PDGFB: variants seen among roughly 807,000 people sequenced by gnomAD.
PDGFB encodes the protein platelet-derived growth factor subunit B.
A neutral mutation model predicts 29.0 loss-of-function variants in PDGFB; 6 were observed. The ratio of observed to expected loss-of-function variants is 0.21; its 90% CI spans 0.11 to 0.41. The LOEUF (loss-of-function observed/expected upper bound fraction) is 0.41. Among genes scored for constraint, PDGFB ranks in the 10% least tolerant of loss-of-function variants. The probability of loss-of-function intolerance (pLI) is 1.00; values close to 1 mark genes in which losing one functional copy is unlikely to be tolerated. For missense variants in PDGFB, 299 were observed against 341.8 expected, an observed-to-expected ratio of 0.87 and a Z score of 0.99; for synonymous variants, 144 against 140.8, an observed-to-expected ratio of 1.02 and a Z score of -0.16.
chr22:39,240,227 C>G (rs1320776980), intron 1 of PDGFB, among the ~76,000 whole-genome samples: 4 of 152,172 alleles, frequency 2.6e-5, no homozygotes, highest in Non-Finnish European at 5.9e-5. Context: ...AGGAACCAGT[C>G]CAGCCATTTA....
chr22:39,244,028 CAGGGTGGGGGGCTGGGG>C lies in PDGFB; in HGVS notation c.-82_-66del. The C allele has an allele frequency of 1.7e-6, 1 of 596,224 alleles. No individual in the cohort carries two copies. Among genetic ancestry groups the C allele is most frequent in the Non-Finnish European group, 2.6e-6 (1 of 378,570 alleles). 36.9% of individuals were successfully genotyped at this position (596,224 alleles called of 1,614,324 possible). On this transcript the variant is annotated 5_prime_UTR_variant, in exon 1 of 7. Coordinates refer to ENST00000331163, the MANE Select transcript of PDGFB (RefSeq NM_002608.4). The surrounding 1 kb of genome is among the most constrained non-coding windows in gnomAD (Gnocchi z 4.5). ...AGATCGAGCGCGCCGCCCCCGCGGC[CAGGGTGGGGGGCTGGGG>C]AGGGGGGTGGGCTCGGCTCGGGTCC...
At chr22:39,230,444 G>A (rs925875334) in intron 4 of PDGFB, among the ~76,000 whole-genome samples, 4 of 152,226 alleles carry the variant, frequency 2.6e-5, no homozygotes, top group African/African-American at 7.2e-5. Context: ...AAGCCCTCCC[G>A]ACCTGGGGCC....
At position 39,225,718 on chromosome 22, in the gene PDGFB, T is replaced by G; in HGVS notation, c.*5A>C. 6.2e-7 allele frequency: 1 copy of G among 1,613,142 alleles called. No homozygotes were observed. The highest frequency in any genetic ancestry group is 8.5e-7 in the Non-Finnish European group (1 of 1,179,466). On this transcript the variant is annotated 3_prime_UTR_variant, in exon 6 of 7. Coordinates refer to ENST00000331163, the MANE Select transcript of PDGFB (RefSeq NM_002608.4). ...ACCTGCCCACACACTCTCCTGCCGATGCCCCTAGGCTCCAAGGGTCTCCTT... is the reference window on the plus strand; with the variant it reads ...ACCTGCCCACACACTCTCCTGCCGAGGCCCCTAGGCTCCAAGGGTCTCCTT...
intron 5 of PDGFB, among the ~76,000 whole-genome samples, chr22:39,226,883 C>A (rs999728116): frequency 1.3e-5 from 2 of 152,200 alleles, no homozygotes; most frequent in Non-Finnish European, 2.9e-5. Flanking sequence ...CCCACCTGGG[C>A]TCAAATCTGG....
chr22:39,235,171 AGG>A (rs1387773135), intron 2 of PDGFB, among the ~76,000 whole-genome samples: 9 of 152,316 alleles, frequency 5.9e-5, no homozygotes, highest in Middle Eastern at 3.4e-3. Context: ...CCCAGAGGGA[AGG>A]GGACCTGGGG....
chr22:39,228,485 A>AG (rs1209214874), intron 5 of PDGFB, among the ~76,000 whole-genome samples: 2 of 152,176 alleles, frequency 1.3e-5, no homozygotes, highest in Non-Finnish European at 2.9e-5. Context: ...GCTACTCAGG[A>AG]GGCTGAGGAG....
intron 1 of PDGFB, among the ~76,000 whole-genome samples, chr22:39,237,756 C>A (rs1932480326): frequency 6.6e-6 from 1 of 152,240 alleles, no homozygotes; most frequent in African/African-American, 2.4e-5. Flanking sequence ...AATCCCACGC[C>A]TTTGGACCAA....
rs767317595 is a variant in PDGFB at position 39,225,777 on chromosome 22, C to T, written c.672G>A (p.Arg224=). Residue 224 remains arginine (R), a synonymous_variant, in exon 6 of 7, where the codon CGG becomes CGA. Coordinates refer to ENST00000331163, the MANE Select transcript of PDGFB (RefSeq NM_002608.4). ...TCTTGTCATGCGTGTGCTTGAATTT[C>T]CGGTGCTTGCCCTTGGGGGGCCGGC... is the stretch of plus-strand genomic sequence containing the variant. The part of the protein sequence containing the change: ...RVRRPPKGKH[R]KFKHTHDKTA... 6.2e-7 allele frequency: 1 copy of T among 1,614,180 alleles called. No individual in the cohort carries two copies. Among genetic ancestry groups the T allele is most frequent in the Non-Finnish European group, 8.5e-7 (1 of 1,180,010 alleles).
In PDGFB at chr22:39,223,915, C is replaced by G. The variant is rs989293215; in HGVS notation, c.*1427G>C. The G allele has an allele frequency of 1.3e-5, 2 of 152,246 alleles. No homozygotes were observed. The highest frequency in any genetic ancestry group is 4.8e-5 in the African/African-American group (2 of 41,462). 9.4% of individuals were successfully genotyped at this position (152,246 alleles called of 1,614,324 possible). A position where few individuals can be genotyped will look rare whatever the true frequency, so the allele number is the denominator to read the frequency against. On this transcript the variant is annotated 3_prime_UTR_variant, in exon 7 of 7. Coordinates refer to ENST00000331163, the MANE Select transcript of PDGFB (RefSeq NM_002608.4). ...TGGGGATCTTTTCCCTTCTCTCCCC[C>G]ATTCCCAGCCCACGAGCTGGTTTCC...
At chr22:39,237,446 G>A (rs1932472459) in intron 1 of PDGFB, among the ~76,000 whole-genome samples, 1 of 152,218 alleles carries the variant, frequency 6.6e-6, no homozygotes, top group South Asian at 2.1e-4. Flanking sequence ...GGGCTTGGCT[G>A]AGAACTAGGG....
Position 39,235,762 on chromosome 22 carries a change from C to T in PDGFB, c.160+16G>A, listed in dbSNP as rs377092534. ...CTCCTCGGAGGGCCGGAGCGCGGGG[C>T]GAGGATTCCATTTACCTCCGGGGTC... On this transcript the variant is annotated intron_variant, in intron 2 of 6. Coordinates refer to ENST00000331163, the MANE Select transcript of PDGFB (RefSeq NM_002608.4). 14 of 1,588,908 alleles carry T rather than the reference C, an allele frequency of 8.8e-6. No homozygotes were observed. The African/African-American group carries it at 1.3e-4, about 15-fold the overall frequency.
chr22:39,230,204 T>C lies in PDGFB; in HGVS notation c.481A>G (p.Lys161Glu). ...GTGGCCTTCTTAAAGATTGGCTTCT[T>C]CCGCACAATCTCGATCTTTCTCACC... Reference protein sequence around the residue: ...VQVRKIEIVRKKPIFKKATVT... With the variant: ...VQVRKIEIVREKPIFKKATVT... The change falls in exon 5 of 7, where the codon AAG (lysine) becomes GAG (glutamate). Residue 161 changes from lysine to glutamate, a missense_variant. Lys to Glu is a moderately conservative substitution (Grantham distance 56). Transcript: ENST00000331163. 6.2e-7 allele frequency: 1 copy of C among 1,613,988 alleles called. No individual in the cohort carries two copies. Among genetic ancestry groups the C allele is most frequent in the Non-Finnish European group, 8.5e-7 (1 of 1,180,026 alleles).
At chr22:39,240,904 C>T in intron 1 of PDGFB, 1 of 1,604,022 alleles carries the variant, frequency 6.2e-7, no homozygotes, top group Non-Finnish European at 8.5e-7. Flanking sequence ...GTCTCTCTCT[C>T]TCTCTCTCTC....
chr22:39,229,884 G>A lies in PDGFB; in HGVS notation c.601+200C>T, dbSNP rs577684022. On this transcript the variant is annotated intron_variant, in intron 5 of 6. Coordinates refer to ENST00000331163, the MANE Select transcript of PDGFB (RefSeq NM_002608.4). ...AGGGTACTGGTTGGCAGAGACCAGA[G>A]AGCCAGCCAGGGGCTAATCCTCATG... is the stretch of plus-strand genomic sequence containing the variant. Among the ~76,000 whole-genome samples, 11 of 152,358 alleles carry A rather than the reference G, an allele frequency of 7.2e-5. No individual in the cohort carries two copies. The East Asian group carries it at 2.1e-3, about 29-fold the overall frequency.
intron 5 of PDGFB, among the ~76,000 whole-genome samples, chr22:39,228,742 A>C (rs1932224937): frequency 6.6e-6 from 1 of 151,932 alleles, no homozygotes; most frequent in Non-Finnish European, 1.5e-5. Context: ...TACAAAAATT[A>C]GCCGGGTGTA....
At position 39,231,831 on chromosome 22, in the gene PDGFB, G is replaced by A. The variant is rs1932315501; in HGVS notation, c.251-4C>T. The A allele has an allele frequency of 6.2e-7, 1 of 1,611,686 alleles. No individual in the cohort carries two copies. Among genetic ancestry groups the A allele is most frequent in the Non-Finnish European group, 8.5e-7 (1 of 1,179,586 alleles). ...GGCTCAGCAATGGTCAGGGAACCTG[G>A]GAGGAGACGAAACCTGGGTCAGGAG... On this transcript the variant is annotated splice_polypyrimidine_tract_variant and splice_region_variant and intron_variant, in intron 3 of 6. Coordinates refer to ENST00000331163, the MANE Select transcript of PDGFB (RefSeq NM_002608.4). The surrounding 1 kb of genome is among the most constrained non-coding windows in gnomAD (Gnocchi z 4.3).
Position 39,243,811 on chromosome 22 carries a change from A to C in PDGFB, c.63+90T>G. ...CAGGCTCGCGGGCTGCAAGGGTCCAAAGTTCACTGCAGGGAGAGGAGGGGG... is the reference window on the plus strand; with the variant it reads ...CAGGCTCGCGGGCTGCAAGGGTCCACAGTTCACTGCAGGGAGAGGAGGGGG... On this transcript the variant is annotated intron_variant, in intron 1 of 6. Transcript: ENST00000331163. This position sits in a 1 kb window ranked among gnomAD's most constrained non-coding sequence, Gnocchi z 6.4. The C allele has an allele frequency of 3.6e-6, 4 of 1,101,168 alleles. No homozygotes were observed. Among genetic ancestry groups the C allele is most frequent in the South Asian group, 1.5e-5 (1 of 68,010 alleles). 68.2% of individuals were successfully genotyped at this position (1,101,168 alleles called of 1,614,324 possible).
At chr22:39,227,720 C>T (rs4416326) in intron 5 of PDGFB, among the ~76,000 whole-genome samples, 45,633 of 151,996 alleles carry the variant, frequency 0.3, 7,592 homozygotes, top group East Asian at 0.7. Context: ...GTCCTGGATT[C>T]CCAGGTGGCC....
In PDGFB at chr22:39,242,896, C is replaced by A. The variant is rs116525229; in HGVS notation, c.63+1005G>T. 1,745 of 232,986 alleles carry A rather than the reference C, an allele frequency of 7.5e-3. 29 individuals carry two copies. The highest frequency in any genetic ancestry group is 0.035 in the African/African-American group (1,574 of 45,444). 14.4% of individuals were successfully genotyped at this position (232,986 alleles called of 1,614,324 possible). A position where few individuals can be genotyped will look rare whatever the true frequency, so the allele number is the denominator to read the frequency against. On this transcript the variant is annotated intron_variant, in intron 1 of 6. Coordinates refer to ENST00000331163, the MANE Select transcript of PDGFB (RefSeq NM_002608.4). The surrounding 1 kb of genome is among the most constrained non-coding windows in gnomAD (Gnocchi z 5.7). ...CTGCCCTCTCCTCCCCTCCACCGCG[C>A]GCGTCGTCCTGCCCCGCCCCCTTTC...
Sources: allele counts gnomAD v4.1 joint callset (sites outside exome capture counted in the v4.1 genomes callset), GRCh38; gene constraint gnomAD v4.1.1; non-coding constraint Gnocchi (gnomAD v3.1); transcripts MANE v1.5; gene names NCBI Gene and HGNC (gene_info 2026-07-23, HGNC 2026-07-21).